The following BCAS3 variants were observed in gnomAD, a reference collection of about 807,000 sequenced individuals.
The protein encoded by BCAS3 is BCAS4/BCAS3 fusion.
Under a neutral mutation model 116.1 loss-of-function variants are expected in BCAS3, and 53 were observed. The observed-to-expected ratio is 0.46, with a 90% CI of 0.37 to 0.57. The LOEUF is 0.57. Among genes scored for constraint, BCAS3 ranks in the 20% least tolerant of loss-of-function variants. The pLI is 0.00. For missense variants in BCAS3, 917 were observed against 1,165.4 expected, an observed-to-expected ratio of 0.79 and a Z score of 3.10; for synonymous variants, 391 against 408.2, an observed-to-expected ratio of 0.96 and a Z score of 0.51.
chr17:61,045,849 C>CTCTCTCTCTCTCTCTA (rs1247914760), intron 19 of BCAS3, among the ~76,000 whole-genome samples: 1 of 7,938 alleles, frequency 1.3e-4, no homozygotes, highest in African/African-American at 1.2e-3. Flanking sequence ...CTCTCTCTCT[C>CTCTCTCTCTCTCTCTA]TATATATATA....
In BCAS3 at chr17:61,222,356, G is replaced by A. The variant is rs1407493377; in HGVS notation, c.2425+137792G>A. Among the ~76,000 whole-genome samples, 1 of 152,162 alleles carries A rather than the reference G, an allele frequency of 6.6e-6. No individual in the cohort carries two copies. Among genetic ancestry groups the A allele is most frequent in the Non-Finnish European group, 1.5e-5 (1 of 68,040 alleles). On this transcript the variant is annotated intron_variant, in intron 22 of 23. Transcript: ENST00000407086. The surrounding 1 kb of genome is among the most constrained non-coding windows in gnomAD (Gnocchi z 6.1). ...CGGCTTGACTAATGAGTATGGTCTT[G>A]GTGTGGTCCTTCCTTTCTGGAGGCC... is the stretch of plus-strand genomic sequence containing the variant.
intron 22 of BCAS3, among the ~76,000 whole-genome samples, chr17:61,178,564 A>G (rs2079283936): frequency 6.6e-6 from 1 of 152,216 alleles, no homozygotes; most frequent in South Asian, 2.1e-4. Flanking sequence ...TGCTATCAAT[A>G]AAGTACAGAT....
In BCAS3 at chr17:60,960,220, A is replaced by G. The variant is rs1161686178; in HGVS notation, c.1221+12868A>G. ...TCTTTTCCCTACCAACATCCCCAAA[A>G]GTCACAACCCATTCATTACAGCATC... On this transcript the variant is annotated intron_variant, in intron 14 of 23. Transcript: ENST00000407086. This position sits in a 1 kb window ranked among gnomAD's most constrained non-coding sequence, Gnocchi z 4.1. 6.6e-6 allele frequency among the ~76,000 whole-genome samples: 1 copy of G among 152,172 alleles called. No homozygotes were observed. The highest frequency in any genetic ancestry group is 1.5e-5 in the Non-Finnish European group (1 of 68,034).
At chr17:60,679,238 AC>A (rs1397947435) in intron 1 of BCAS3, among the ~76,000 whole-genome samples, 2 of 150,904 alleles carry the variant, frequency 1.3e-5, no homozygotes, top group East Asian at 3.9e-4. Context: ...AATAATAATA[AC>A]CCCCCAAACC....
chr17:60,888,172 T>C (rs909256500), intron 9 of BCAS3, among the ~76,000 whole-genome samples: 5 of 152,224 alleles, frequency 3.3e-5, no homozygotes, highest in Non-Finnish European at 7.3e-5. Context: ...TTGTTTTCAT[T>C]ACAATATACT....
rs149872213 is a variant in BCAS3 at position 60,946,177 on chromosome 17, T to A, written c.1088-1042T>A. ...TCCTTGGCAAGTTGACAATGTTACTTCAATGGAGAAAAAACAGTGTCTTCA... is the reference window on the plus strand; with the variant it reads ...TCCTTGGCAAGTTGACAATGTTACTACAATGGAGAAAAAACAGTGTCTTCA... On this transcript the variant is annotated intron_variant, in intron 13 of 23. Coordinates refer to ENST00000407086, the MANE Select transcript of BCAS3 (RefSeq NM_017679.5). Among the ~76,000 whole-genome samples, 1,250 of 152,276 alleles carry A rather than the reference T, an allele frequency of 8.2e-3. 5 individuals carry two copies. The highest frequency in any genetic ancestry group is 0.012 in the Non-Finnish European group (845 of 68,026).
At chr17:60,812,674 AATAC>A (rs748325727) in intron 7 of BCAS3, among the ~76,000 whole-genome samples, 3 of 152,054 alleles carry the variant, frequency 2.0e-5, no homozygotes, top group Non-Finnish European at 4.4e-5. Flanking sequence ...TCCATGAGTC[AATAC>A]ATACATACAT....
chr17:60,720,627 A>G (rs1044360763), intron 5 of BCAS3, among the ~76,000 whole-genome samples: 1 of 152,260 alleles, frequency 6.6e-6, no homozygotes, highest in Non-Finnish European at 1.5e-5. Flanking sequence ...AAATAATTCA[A>G]CAATAAAAAA....
Position 60,993,755 on chromosome 17 carries a change from G to C in BCAS3, c.1486+3520G>C, listed in dbSNP as rs533851225. The stretch of plus-strand genomic sequence containing the variant: ...TGAATCATGTTTTGGCGGTATTACC[G>C]TTGTTTGTCTGTGCTCTTTTTAGCC... On this transcript the variant is annotated intron_variant, in intron 15 of 23. Coordinates refer to ENST00000407086, the MANE Select transcript of BCAS3 (RefSeq NM_017679.5). This position sits in a 1 kb window ranked among gnomAD's most constrained non-coding sequence, Gnocchi z 4.2. 6.6e-6 allele frequency among the ~76,000 whole-genome samples: 1 copy of C among 152,112 alleles called. No individual in the cohort carries two copies. Among genetic ancestry groups the C allele is most frequent in the African/African-American group, 2.4e-5 (1 of 41,436 alleles).
chr17:61,322,828 GAC>G (rs1231475250), intron 22 of BCAS3, among the ~76,000 whole-genome samples: 2,714 of 107,206 alleles, frequency 0.025, 42 homozygotes, highest in African/African-American at 0.042. Context: ...GAGAGAGAGA[GAC>G]AGAGAGAGAG....
In BCAS3 at chr17:61,131,691, T is replaced by G. The variant is rs2076352173; in HGVS notation, c.2425+47127T>G. Among the ~76,000 whole-genome samples, 1 of 152,188 alleles carries G rather than the reference T, an allele frequency of 6.6e-6. No individual in the cohort carries two copies. Among genetic ancestry groups the G allele is most frequent in the Non-Finnish European group, 1.5e-5 (1 of 68,032 alleles). On this transcript the variant is annotated intron_variant, in intron 22 of 23. Transcript: ENST00000407086. This position sits in a 1 kb window ranked among gnomAD's most constrained non-coding sequence, Gnocchi z 4.4. ...TCTGTTTTTCTTTCCCTGAGAGTGC[T>G]GATTAGTGACTTGCGGTGTGGATTC... is the stretch of plus-strand genomic sequence containing the variant.
chr17:60,789,568 G>T (rs917494294), intron 6 of BCAS3, among the ~76,000 whole-genome samples: 1 of 152,158 alleles, frequency 6.6e-6, no homozygotes, highest in African/African-American at 2.4e-5. Flanking sequence ...CAACAGGATT[G>T]CAATAGTTTT....
intron 22 of BCAS3, among the ~76,000 whole-genome samples, chr17:61,335,027 G>C (rs1223208259): frequency 6.6e-6 from 1 of 152,218 alleles, no homozygotes; most frequent in African/African-American, 2.4e-5. Flanking sequence ...TGGCCACTGT[G>C]GTCATCCCAG....
intron 22 of BCAS3, among the ~76,000 whole-genome samples, chr17:61,334,043 C>G (rs961463412): frequency 2.6e-5 from 4 of 152,112 alleles, no homozygotes; most frequent in Non-Finnish European, 4.4e-5. Context: ...CCTAAGAGAG[C>G]CCTAGAGACT....
Position 61,332,273 on chromosome 17 carries a change from C to G in BCAS3, c.2426-36054C>G, listed in dbSNP as rs560605105. On this transcript the variant is annotated intron_variant, in intron 22 of 23. Transcript: ENST00000407086. This position sits in a 1 kb window ranked among gnomAD's most constrained non-coding sequence, Gnocchi z 5.4. Reference sequence around the variant, plus strand: ...TGGTGACCCACCTAAAACAGTCTTACTAGGACAGCAGGCTTAAGGTATGCC... The same window carrying G: ...TGGTGACCCACCTAAAACAGTCTTAGTAGGACAGCAGGCTTAAGGTATGCC... Among the ~76,000 whole-genome samples, 8 of 152,180 alleles carry G rather than the reference C, an allele frequency of 5.3e-5. No individual in the cohort carries two copies. Among genetic ancestry groups the G allele is most frequent in the Non-Finnish European group, 1.2e-4 (8 of 68,028 alleles).
At position 61,381,043 on chromosome 17, in the gene BCAS3, G is replaced by T. The variant is rs1012091124; in HGVS notation, c.2594-10934G>T. Among the ~76,000 whole-genome samples the T allele has an allele frequency of 6.6e-6, 1 of 152,134 alleles. No individual in the cohort carries two copies. The highest frequency in any genetic ancestry group is 1.5e-5 in the Non-Finnish European group (1 of 68,036). On this transcript the variant is annotated intron_variant, in intron 23 of 23. Transcript: ENST00000407086. This position sits in a 1 kb window ranked among gnomAD's most constrained non-coding sequence, Gnocchi z 6.0. Reference sequence around the variant, plus strand: ...CGACTCCTGGCCACTTGTTGTCTGCGCTTGTCTGTCCATTTATACAACCTA... The same window carrying T: ...CGACTCCTGGCCACTTGTTGTCTGCTCTTGTCTGTCCATTTATACAACCTA...
At chr17:61,253,994 C>G (rs930258109) in intron 22 of BCAS3, among the ~76,000 whole-genome samples, 3 of 152,026 alleles carry the variant, frequency 2.0e-5, no homozygotes, top group African/African-American at 4.8e-5. Context: ...TAGGATAATA[C>G]TCATAAGATC....
At chr17:60,999,882 G>T (rs1415797883) in intron 15 of BCAS3, among the ~76,000 whole-genome samples, 2 of 152,060 alleles carry the variant, frequency 1.3e-5, no homozygotes, top group African/African-American at 2.4e-5. Flanking sequence ...TTGCTTAGAC[G>T]TATTTCTAGG....
At chr17:60,869,864 C>CTAAACACATTT (rs2054941302) in intron 8 of BCAS3, among the ~76,000 whole-genome samples, 2 of 152,118 alleles carry the variant, frequency 1.3e-5, no homozygotes, top group Non-Finnish European at 2.9e-5. Context: ...CTAAAAAGTA[C>CTAAACACATTT]AGAGAAGATT....
Sources: allele counts gnomAD v4.1 joint callset (sites outside exome capture counted in the v4.1 genomes callset), GRCh38; gene constraint gnomAD v4.1.1; non-coding constraint Gnocchi (gnomAD v3.1); transcripts MANE v1.5; gene names NCBI Gene and HGNC (gene_info 2026-07-23, HGNC 2026-07-21).